The following C18orf63 variants were observed in gnomAD, a reference collection of about 807,000 sequenced individuals.
C18orf63 encodes the protein chromosome 18 open reading frame 63.
Under a neutral mutation model 75.3 loss-of-function variants are expected in C18orf63, and 50 were observed. The observed-to-expected ratio is 0.66, with a 90% CI of 0.53 to 0.84. The LOEUF is 0.84. Among genes scored for constraint, C18orf63 ranks in the 40% least tolerant of loss-of-function variants. The probability of loss-of-function intolerance (pLI) is 0.00; values close to 1 mark genes in which losing one functional copy is unlikely to be tolerated. For synonymous variants in C18orf63, 232 were observed against 267.6 expected, an observed-to-expected ratio of 0.87 and a Z score of 1.30; for missense variants, 732 against 800.2, an observed-to-expected ratio of 0.91 and a Z score of 1.03.
intron 8 of C18orf63, among the ~76,000 whole-genome samples, chr18:74,340,102 T>A (rs1984454930): frequency 6.6e-6 from 1 of 152,154 alleles, no homozygotes; most frequent in African/African-American, 2.4e-5. Flanking sequence ...TTGTAAACCA[T>A]ACATCTGATA....
chr18:74,319,391 C>G (rs945723148), intron 2 of C18orf63, among the ~76,000 whole-genome samples: 1 of 152,118 alleles, frequency 6.6e-6, no homozygotes, highest in Non-Finnish European at 1.5e-5. Context: ...ACAGATTGGC[C>G]CGTGTTGCTT....
Position 74,320,502 on chromosome 18 carries a change from C to A in C18orf63, c.135-11C>A. On this transcript the variant is annotated splice_polypyrimidine_tract_variant and intron_variant, in intron 2 of 13. Transcript: ENST00000579455. ...TACCAGTCCACTTTGTAATATATTT[C>A]ATCTCCACAGGCAATTGCTGTTTTT... 6.6e-7 allele frequency: 1 copy of A among 1,522,324 alleles called. No homozygotes were observed. The highest frequency in any genetic ancestry group is 1.2e-5 in the South Asian group (1 of 83,164). 94.3% of individuals were successfully genotyped at this position (1,522,324 alleles called of 1,614,324 possible).
chr18:74,353,441 G>C lies in C18orf63; in HGVS notation c.1174G>C (p.Val392Leu), dbSNP rs373813488. The C allele has an allele frequency of 6.5e-7, 1 of 1,536,368 alleles. No homozygotes were observed. Among genetic ancestry groups the C allele is most frequent in the East Asian group, 2.4e-5 (1 of 40,922 alleles). Reference sequence around the variant, plus strand: ...AGCTTTGCATCTCCAGCCAGAGTCTGTTCAGGGTAGAAAGAAATCCCTGTC... The same window carrying C: ...AGCTTTGCATCTCCAGCCAGAGTCTCTTCAGGGTAGAAAGAAATCCCTGTC... The part of the protein sequence containing the change: ...FSALHLQPES[V>L]QGRKKSLSIR... The change falls in exon 12 of 14, where the codon GTT (valine) becomes CTT (leucine). Residue 392 changes from valine to leucine, a missense_variant. Physicochemically the swap from Val to Leu is conservative, Grantham distance 32 (BLOSUM62 1). Coordinates refer to ENST00000579455, the MANE Select transcript of C18orf63 (RefSeq NM_001174123.2).
At chr18:74,318,842 T>A (rs911149422) in intron 2 of C18orf63, among the ~76,000 whole-genome samples, 54 of 150,398 alleles carry the variant, frequency 3.6e-4, no homozygotes, top group African/African-American at 1.1e-3. Context: ...TAAAGTATAA[T>A]TCCATGATTA....
rs569034939 is a variant in C18orf63, at chr18:74,315,894, G to C, written c.-248G>C. The C allele has an allele frequency of 1.3e-5, 2 of 152,630 alleles. No homozygotes were observed. Among genetic ancestry groups the C allele is most frequent in the East Asian group, 3.9e-4 (2 of 5,162 alleles). 9.5% of individuals were successfully genotyped at this position (152,630 alleles called of 1,614,324 possible). ...GCCGGGAGCGTCTCCTGAGGGCAGC[G>C]AGGAGGGAGCTGAGGCACGCGGGCT... On this transcript the variant is annotated 5_prime_UTR_variant, in exon 1 of 14. Coordinates refer to ENST00000579455, the MANE Select transcript of C18orf63 (RefSeq NM_001174123.2).
At chr18:74,332,682 C>G (rs1984329401) in intron 7 of C18orf63, among the ~76,000 whole-genome samples, 1 of 149,610 alleles carries the variant, frequency 6.7e-6, no homozygotes, top group Admixed American at 6.7e-5. Flanking sequence ...GCACTCCAGT[C>G]TGGGCTACAG....
chr18:74,329,161 GGTAGA>G, intron 6 of C18orf63, 125 bp downstream of exon 6: 1 of 598,036 alleles, frequency 1.7e-6, no homozygotes, highest in South Asian at 2.1e-5. Flanking sequence ...GGCCAAGGTA[GGTAGA>G]TTGTTTGAGC....
chr18:74,352,513 T>G (rs1269742461), intron 11 of C18orf63, among the ~76,000 whole-genome samples: 1 of 152,202 alleles, frequency 6.6e-6, no homozygotes, highest in East Asian at 1.9e-4. Flanking sequence ...AAATACTTGC[T>G]GAATTGCTAC....
intron 13 of C18orf63, among the ~76,000 whole-genome samples, 170 bp from the exon 14 acceptor site, chr18:74,356,311 T>C (rs1200075776): frequency 6.6e-6 from 1 of 152,094 alleles, no homozygotes; most frequent in East Asian, 1.9e-4. Flanking sequence ...CTTCTTTCTA[T>C]CATTCTGCAC....
rs1301465559 is a variant in C18orf63, at chr18:74,343,569, T to G, written c.845T>G (p.Val282Gly). ...CAGCCCATGCAGTTCTTTCCAAGGG[T>G]AGATTCGGAAGTTGTGTTGAAAAGT... is the stretch of plus-strand genomic sequence containing the variant. ...RSQPMQFFPR[V>G]DSEVVLKSFL... is the part of the protein sequence containing the mutation. Residue 282 changes from valine (V) to glycine (G), a missense_variant, in exon 11 of 14, where the codon GTA (valine) becomes GGA (glycine). Val to Gly is a moderately radical substitution (Grantham distance 109, BLOSUM62 -3). This residue lies in a region of C18orf63 where 495 missense variants were observed against 508.7 expected (regional missense o/e 0.97). Transcript: ENST00000579455. The G allele has an allele frequency of 6.5e-7, 1 of 1,534,724 alleles. No individual in the cohort carries two copies. The highest frequency in any genetic ancestry group is 1.4e-5 in the African/African-American group (1 of 72,992).
At chr18:74,353,171 CTTTATAT>C in intron 11 of C18orf63, 68 bp from the exon 12 acceptor site, 1 of 975,800 alleles carries the variant, frequency 1.0e-6, no homozygotes, top group South Asian at 1.8e-5. Context: ...TTGGATGATA[CTTTATAT>C]TTTATTTCTT....
chr18:74,316,767 C>T (rs890202873), intron 1 of C18orf63, among the ~76,000 whole-genome samples: 5 of 152,210 alleles, frequency 3.3e-5, no homozygotes, highest in Admixed American at 6.5e-5. Flanking sequence ...TATAGTTCTA[C>T]AGCCTAGCCA....
At chr18:74,351,190 C>T (rs1285860574) in intron 11 of C18orf63, among the ~76,000 whole-genome samples, 1 of 152,156 alleles carries the variant, frequency 6.6e-6, no homozygotes, top group African/African-American at 2.4e-5. Context: ...GGGGACTTTC[C>T]GTTTTTCCCA....
chr18:74,328,825 T>G (rs1984252947), intron 5 of C18orf63, among the ~76,000 whole-genome samples, 170 bp from the exon 6 acceptor site: 1 of 152,238 alleles, frequency 6.6e-6, no homozygotes, highest in African/African-American at 2.4e-5. Context: ...AAGAGATACC[T>G]TTTGAATGAT....
chr18:74,338,624 A>C, intron 7 of C18orf63, 91 bp from the exon 8 acceptor site: 1 of 478,458 alleles, frequency 2.1e-6, no homozygotes, highest in Admixed American at 4.0e-5. Context: ...TTTATAACCT[A>C]CTGTGTGTGT....
chr18:74,329,014 G>C lies in C18orf63; in HGVS notation c.402G>C (p.Gln134His), dbSNP rs919666156. The part of the protein sequence containing the change: ...LLIQGRDFLS[Q>H]MGKQSAVVLN... ...TTTAAGGAAGAGATTTTCTTTCTCA[G>C]ATGGGAAAACAAAGTGCTGTTGGTA... The change falls in exon 6 of 14, where the codon CAG (glutamine) becomes CAC (histidine). Residue 134 changes from glutamine to histidine, a missense_variant. Gln to His is a conservative substitution (Grantham distance 24). Transcript: ENST00000579455. 2.0e-5 allele frequency: 30 copies of C among 1,504,354 alleles called. No homozygotes were observed. In the African/African-American group the frequency reaches 3.9e-4, roughly 19 times the overall value. 93.2% of individuals were successfully genotyped at this position (1,504,354 alleles called of 1,614,324 possible). A position where few individuals can be genotyped will look rare whatever the true frequency, so the allele number is the denominator to read the frequency against.
intron 8 of C18orf63, among the ~76,000 whole-genome samples, chr18:74,340,767 C>T (rs1400159525): frequency 6.6e-6 from 1 of 151,810 alleles, no homozygotes; most frequent in Non-Finnish European, 1.5e-5. Flanking sequence ...AGACAAATAC[C>T]TTATGACCTC....
chr18:74,317,035 C>G (rs1045119213), intron 1 of C18orf63, among the ~76,000 whole-genome samples: 6 of 152,176 alleles, frequency 3.9e-5, no homozygotes, highest in African/African-American at 1.4e-4. Flanking sequence ...TCAGATGACA[C>G]CACAAACTCA....
At position 74,342,296 on chromosome 18, in the gene C18orf63, A is replaced by T; in HGVS notation, c.764A>T (p.Tyr255Phe). The stretch of plus-strand genomic sequence containing the variant: ...AAAATTAAAATATACTGCAACATCT[A>T]TTTCAAAATGCTCGGAGAAAGGACC... ...CGKIKIYCNI[Y>F]FKMLGERTFT... The change falls in exon 10 of 14, where the codon TAT becomes TTT. Residue 255 changes from tyrosine to phenylalanine, a missense_variant. Transcript: ENST00000579455. The T allele has an allele frequency of 6.5e-7, 1 of 1,532,626 alleles. No homozygotes were observed. The highest frequency in any genetic ancestry group is 8.7e-7 in the Non-Finnish European group (1 of 1,144,614). The allele number at this position is 1,532,626 out of a possible 1,614,324, so 94.9% of individuals were successfully genotyped here.
Sources: gnomAD v4.1 joint callset for allele counts (sites outside exome capture counted in the v4.1 genomes callset) on GRCh38, gnomAD v4.1.1 for gene constraint, gnomAD v4.1.1 regional missense constraint, MANE v1.5 for transcripts, NCBI Gene and HGNC (gene_info 2026-07-23, HGNC 2026-07-21) for gene names.